Variants in PIR observed in about 807,000 individuals in gnomAD.
The protein encoded by PIR is pirin.
A neutral mutation model predicts 24.2 loss-of-function variants in PIR; 22 were observed. That is an observed-to-expected ratio of 0.91 (90% CI 0.65 to 1.30). PIR has a LOEUF of 1.30. Ranked by LOEUF, PIR falls within the 50% of genes most tolerant of loss-of-function variation. PIR has a pLI of 0.00. For missense variants in PIR, 220 were observed against 220.3 expected, an observed-to-expected ratio of 1.00 and a Z score of 0.01; for synonymous variants, 80 against 79.6, an observed-to-expected ratio of 1.00 and a Z score of -0.03.
At chrX:15,463,222 C>G (rs1263346920) in intron 3 of PIR, among the ~76,000 whole-genome samples, 2 of 111,602 alleles carry the variant, frequency 1.8e-5, no homozygotes, top group Non-Finnish European at 3.8e-5. Flanking sequence ...ATATAAGCCA[C>G]CTTCTCCAGT....
intron 6 of PIR, among the ~76,000 whole-genome samples, chrX:15,416,809 A>G (rs899104664): frequency 1.8e-5 from 2 of 112,315 alleles, no homozygotes; most frequent in Non-Finnish European, 3.8e-5. Context: ...CAAAAACAAG[A>G]GAGCAGACTC....
At position 15,390,166 on chromosome X, in the gene PIR, A is replaced by G; in HGVS notation, c.760+19T>C. On this transcript the variant is annotated intron_variant, in intron 9 of 9. Coordinates refer to ENST00000380420, the MANE Select transcript of PIR (RefSeq NM_001018109.3). Reference sequence around the variant, plus strand: ...AAAAGGAAAATCAACCAAGAAAATCATTGTCATTTTGGTCTTACCATGTTG... The same window carrying G: ...AAAAGGAAAATCAACCAAGAAAATCGTTGTCATTTTGGTCTTACCATGTTG... 1.0e-6 allele frequency: 1 copy of G among 985,307 alleles called. No individual in the cohort carries two copies. The highest frequency in any genetic ancestry group is 1.9e-5 in the African/African-American group (1 of 52,599). 81.2% of individuals were successfully genotyped at this position (985,307 alleles called of 1,213,427 possible). A position where few individuals can be genotyped will look rare whatever the true frequency, so the allele number is the denominator to read the frequency against.
intron 5 of PIR, among the ~76,000 whole-genome samples, chrX:15,443,083 A>T (rs1469328652): frequency 9.0e-6 from 1 of 110,860 alleles, no homozygotes; most frequent in Non-Finnish European, 1.9e-5. Flanking sequence ...GAACAGGCTG[A>T]CTCTCTCTCG....
intron 6 of PIR, among the ~76,000 whole-genome samples, chrX:15,418,297 G>A (rs1445344180): frequency 9.0e-6 from 1 of 111,285 alleles, no homozygotes; most frequent in East Asian, 2.8e-4. Context: ...GGACAAGAAG[G>A]CACATGTTTC....
intron 7 of PIR, among the ~76,000 whole-genome samples, chrX:15,399,771 C>T (rs905657623): frequency 9.0e-6 from 1 of 111,196 alleles, no homozygotes; most frequent in African/African-American, 3.3e-5. Context: ...TGTCAAATGT[C>T]ATTAAAGAAG....
intron 1 of PIR, 42 bp from the exon 2 acceptor site, chrX:15,491,351 G>A: frequency 3.7e-6 from 2 of 547,935 alleles, no homozygotes; most frequent in East Asian, 3.5e-5. Flanking sequence ...CATAAAGGAG[G>A]GAACATCCAA....
At chrX:15,448,788 T>C (rs895572056) in intron 5 of PIR, among the ~76,000 whole-genome samples, 1 of 111,846 alleles carries the variant, frequency 8.9e-6, no homozygotes, top group African/African-American at 3.3e-5. Context: ...AATCTTTCTT[T>C]CCCTTGCTCC....
intron 2 of PIR, among the ~76,000 whole-genome samples, chrX:15,488,977 G>A (rs1388507075): frequency 1.8e-5 from 2 of 111,424 alleles, no homozygotes; most frequent in African/African-American, 6.5e-5. Flanking sequence ...CAAGAGTACA[G>A]TTTTGTGGCA....
intron 3 of PIR, among the ~76,000 whole-genome samples, chrX:15,462,775 T>C: frequency 8.9e-6 from 1 of 112,248 alleles, no homozygotes; most frequent in South Asian, 3.7e-4. Flanking sequence ...AAGATATCAA[T>C]TCAAATATAT....
At chrX:15,442,683 T>G (rs1289218571) in intron 5 of PIR, among the ~76,000 whole-genome samples, 1 of 111,872 alleles carries the variant, frequency 8.9e-6, no homozygotes, top group Non-Finnish European at 1.9e-5. Context: ...TGGAGAAAGT[T>G]TGAGTGGTCT....
chrX:15,420,735 G>A (rs1406890301), intron 6 of PIR, among the ~76,000 whole-genome samples: 1 of 111,215 alleles, frequency 9.0e-6, no homozygotes, highest in Non-Finnish European at 1.9e-5. Context: ...TACTTGGGAG[G>A]CTGGGGTGGG....
intron 8 of PIR, among the ~76,000 whole-genome samples, chrX:15,394,604 A>T (rs767282277): frequency 7.8e-4 from 87 of 111,490 alleles, no homozygotes; most frequent in African/African-American, 2.7e-3. Flanking sequence ...AGCCTTTCAT[A>T]TCAAACTCTA....
intron 2 of PIR, among the ~76,000 whole-genome samples, chrX:15,488,026 C>T (rs1254300263): frequency 1.8e-5 from 2 of 110,939 alleles, no homozygotes; most frequent in Non-Finnish European, 3.8e-5. Flanking sequence ...AGCCTGTAAT[C>T]CCAGCACTTT....
intron 7 of PIR, among the ~76,000 whole-genome samples, chrX:15,404,026 A>G (rs1462911256): frequency 1.9e-5 from 2 of 104,747 alleles, no homozygotes; most frequent in African/African-American, 7.1e-5. Context: ...TTTAGACAAG[A>G]GTCCCGCTCT....
At chrX:15,424,717 C>G (rs1925249213) in intron 6 of PIR, among the ~76,000 whole-genome samples, 1 of 111,666 alleles carries the variant, frequency 9.0e-6, no homozygotes, top group Non-Finnish European at 1.9e-5. Context: ...AAAAATAGAC[C>G]AGACACAATG....
intron 5 of PIR, among the ~76,000 whole-genome samples, chrX:15,449,790 T>C (rs1926223320): frequency 8.9e-6 from 1 of 112,366 alleles, no homozygotes; most frequent in African/African-American, 3.2e-5. Flanking sequence ...CATTAACTTG[T>C]TATGAAATTA....
At chrX:15,424,711 A>G (rs1450312852) in intron 6 of PIR, among the ~76,000 whole-genome samples, 1 of 112,422 alleles carries the variant, frequency 8.9e-6, no homozygotes, top group Non-Finnish European at 1.9e-5. Flanking sequence ...TTATTTAAAA[A>G]TAGACCAGAC....
chrX:15,474,410 T>C (rs960462254), intron 3 of PIR, among the ~76,000 whole-genome samples: 4 of 112,607 alleles, frequency 3.6e-5, no homozygotes, highest in Non-Finnish European at 7.5e-5. Flanking sequence ...CCACAAGGAC[T>C]CAAATATAGA....
intron 3 of PIR, chrX:15,464,479 T>A: frequency 1.4e-6 from 1 of 708,029 alleles, no homozygotes; most frequent in Non-Finnish European, 1.7e-6. Flanking sequence ...GTTCCCTGCT[T>A]AGGTGAACTG....
Sources: gnomAD v4.1 joint callset for allele counts (sites outside exome capture counted in the v4.1 genomes callset) on GRCh38, gnomAD v4.1.1 for gene constraint, MANE v1.5 for transcripts, NCBI Gene and HGNC (gene_info 2026-07-23, HGNC 2026-07-21) for gene names.